Variants in NOTCH1 observed in about 807,000 individuals in gnomAD.
NOTCH1 encodes the protein neurogenic locus notch homolog protein 1.
A neutral mutation model predicts 254.8 loss-of-function variants in NOTCH1; 37 were observed. The observed-to-expected ratio is 0.15, with a 90% CI of 0.11 to 0.19. The LOEUF (loss-of-function observed/expected upper bound fraction) is 0.19. NOTCH1 is among the 10% of genes least tolerant of loss of function. The pLI is 1.00. For synonymous variants in NOTCH1, 1,731 were observed against 1,618.1 expected, an observed-to-expected ratio of 1.07 and a Z score of -1.68; for missense variants, 2,972 against 3,708.6, an observed-to-expected ratio of 0.80 and a Z score of 5.16.
At chr9:136,518,095 C>T (rs1175239362) in intron 7 of NOTCH1, 42 bp downstream of exon 7, 1 of 1,561,570 alleles carries the variant, frequency 6.4e-7, no homozygotes, top group Non-Finnish European at 8.6e-7. Context: ...TGGGGCCAGG[C>T]TGCCACCCCC....
At chr9:136,510,285 C>A (rs1278905782) in intron 17 of NOTCH1, among the ~76,000 whole-genome samples, 1 of 152,214 alleles carries the variant, frequency 6.6e-6, no homozygotes, top group African/African-American at 2.4e-5. Context: ...AGCAAGACCC[C>A]CGGCTTCTGC....
At chr9:136,502,726 C>T in intron 27 of NOTCH1, 1 of 575,482 alleles carries the variant, frequency 1.7e-6, no homozygotes, top group South Asian at 2.1e-5. Context: ...CTTTTTTCTC[C>T]TTTAAGGAAG....
At chr9:136,514,452 C>CA in intron 13 of NOTCH1, 58 bp downstream of exon 13, 1 of 1,499,948 alleles carries the variant, frequency 6.7e-7, no homozygotes. Flanking sequence ...ACCCTCCTGG[C>CA]AGCAGAGCTC....
rs2133338815 is a variant in NOTCH1, at chr9:136,505,386, G to T, written c.4510C>A (p.His1504Asn). Residue 1504 changes from histidine (H) to asparagine (N), a missense_variant, in exon 25 of 34, where the codon CAC becomes AAC. Transcript: ENST00000651671. The part of the protein sequence containing the change: ...LQCWKYFSDG[H>N]CDSQCNSAGC... ...GCTGAGTTGCACTGGCTGTCACAGT[G>T]GCCGTCACTGAAGTACTTCCAGCAC... is the stretch of plus-strand genomic sequence containing the variant. 1 of 1,611,380 alleles carries T rather than the reference G, an allele frequency of 6.2e-7. No homozygotes were observed. Among genetic ancestry groups the T allele is most frequent in the Non-Finnish European group, 8.5e-7 (1 of 1,179,532 alleles).
In NOTCH1 at chr9:136,518,596, C is replaced by T. The variant is rs775991013; in HGVS notation, c.1094G>A (p.Arg365His). Residue 365 changes from arginine to histidine, a missense_variant, in exon 6 of 34, where the codon CGC becomes CAC. Arg to His is a conservative substitution (Grantham distance 29, BLOSUM62 0). Transcript: ENST00000651671. ...ASFYCECPHGRTGLLCHLNDA... is the reference protein window; with the variant it reads ...ASFYCECPHGHTGLLCHLNDA... ...CTGGGCCTCAAGGCACTCACCTGTG[C>T]GGCCATGGGGACACTCGCAGTAGAA... is the stretch of plus-strand genomic sequence containing the variant. The T allele has an allele frequency of 1.6e-5, 26 of 1,611,678 alleles. No individual in the cohort carries two copies. The highest frequency in any genetic ancestry group is 4.5e-5 in the East Asian group (2 of 44,846).
chr9:136,527,979 CCAGAAAG>C (rs2133385080), intron 2 of NOTCH1, among the ~76,000 whole-genome samples: 1 of 152,284 alleles, frequency 6.6e-6, no homozygotes, highest in Admixed American at 6.5e-5. Context: ...AAATGCGACT[CCAGAAAG>C]CAGCAGGAGG....
At chr9:136,501,939 T>C (rs775128930) in intron 29 of NOTCH1, 26 bp from the exon 30 acceptor site, 71 of 1,611,420 alleles carry the variant, frequency 4.4e-5, no homozygotes, top group Non-Finnish European at 5.9e-5. Flanking sequence ...GAGCAGAGCC[T>C]GTCAGGGCAG....
chr9:136,520,212 G>A (rs1234930305), intron 4 of NOTCH1, among the ~76,000 whole-genome samples: 1 of 152,156 alleles, frequency 6.6e-6, no homozygotes, highest in Admixed American at 6.5e-5. Flanking sequence ...ACCCAGAAAG[G>A]CGCGTTCGGC....
chr9:136,511,776 C>T (rs1168118594), intron 15 of NOTCH1, among the ~76,000 whole-genome samples: 1 of 152,232 alleles, frequency 6.6e-6, no homozygotes, highest in Admixed American at 6.5e-5. Flanking sequence ...ACAAGGGCTG[C>T]GATGGAGGGG....
intron 12 of NOTCH1, 55 bp from the exon 13 acceptor site, chr9:136,514,757 C>T (rs1170885600): frequency 1.0e-5 from 16 of 1,543,674 alleles, no homozygotes; most frequent in Middle Eastern, 1.7e-4. Flanking sequence ...GTCCCACCCA[C>T]GTCAACCTCG....
rs376726823 is a variant in NOTCH1, at chr9:136,515,517, G to A, written c.1869C>T (p.Asn623=). The A allele has an allele frequency of 1.0e-4, 161 of 1,611,868 alleles. 2 individuals are homozygous for A. The highest frequency in any genetic ancestry group is 9.8e-4 in the South Asian group (89 of 91,070). Residue 623 remains asparagine (N), a synonymous_variant, in exon 11 of 34, where the codon AAC becomes AAT. Coordinates refer to ENST00000651671, the MANE Select transcript of NOTCH1 (RefSeq NM_017617.5). ...RHGGTCQDRD[N]AYLCFCLKGT... ...CCTTCAGGCAGAAGCAGAGGTAGGCGTTGTCGCGGTCCTGGCAGGTGCCCC... is the reference window on the plus strand; with the variant it reads ...CCTTCAGGCAGAAGCAGAGGTAGGCATTGTCGCGGTCCTGGCAGGTGCCCC...
chr9:136,533,353 CAT>C (rs920606270), intron 2 of NOTCH1, among the ~76,000 whole-genome samples: 4 of 152,244 alleles, frequency 2.6e-5, no homozygotes, highest in Non-Finnish European at 4.4e-5. Flanking sequence ...GGAAACCACA[CAT>C]GTTCAACCCC....
At position 136,545,981 on chromosome 9, in the gene NOTCH1, C is replaced by A. The variant is rs1223397204; in HGVS notation, c.-195G>T. Among the ~76,000 whole-genome samples, 2 of 146,566 alleles carry A rather than the reference C, an allele frequency of 1.4e-5. No individual in the cohort carries two copies. The highest frequency in any genetic ancestry group is 3.0e-5 in the Non-Finnish European group (2 of 66,374). ...CCGCGCCCGGCTCGTTCCTTCGCTGCGCTCGCGCCCGCGCCCGCGCCCCGC... is the reference window on the plus strand; with the variant it reads ...CCGCGCCCGGCTCGTTCCTTCGCTGAGCTCGCGCCCGCGCCCGCGCCCCGC... On this transcript the variant is annotated 5_prime_UTR_variant, in exon 1 of 34. Transcript: ENST00000651671. The surrounding 1 kb of genome is among the most constrained non-coding windows in gnomAD (Gnocchi z 6.8).
intron 2 of NOTCH1, among the ~76,000 whole-genome samples, chr9:136,531,121 A>G (rs13290840): frequency 0.47 from 72,205 of 152,106 alleles, 18,639 homozygotes; most frequent in African/African-American, 0.69. Flanking sequence ...GCAGGGAGGG[A>G]AGGGATCCCG....
In NOTCH1 at chr9:136,523,890, A is replaced by C. The variant is rs760700593; in HGVS notation, c.230T>G (p.Val77Gly). ...ATAGTCTGCCACGCCTCTGCGGTCC[A>C]CCACGTGGCATGTCCCGGCGTTCTT... ...PCKNAGTCHV[V>G]DRRGVADYAC... Residue 77 changes from valine to glycine, a missense_variant, in exon 3 of 34, where the codon GTG (valine) becomes GGG (glycine). Physicochemically the swap from Val to Gly is moderately radical, Grantham distance 109. This residue lies in a region of NOTCH1 where 374 missense variants were observed against 496.3 expected (regional missense o/e 0.75). Coordinates refer to ENST00000651671, the MANE Select transcript of NOTCH1 (RefSeq NM_017617.5). The C allele has an allele frequency of 8.1e-6, 13 of 1,609,094 alleles. No individual in the cohort carries two copies. The highest frequency in any genetic ancestry group is 1.3e-5 in the African/African-American group (1 of 74,886).
intron 17 of NOTCH1, 43 bp from the exon 18 acceptor site, chr9:136,510,004 C>T (rs2133351665): frequency 6.4e-7 from 1 of 1,569,146 alleles, no homozygotes; most frequent in Non-Finnish European, 8.7e-7. Context: ...CAGGCACAAA[C>T]CCACACCTGC....
intron 21 of NOTCH1, 34 bp downstream of exon 21, chr9:136,507,921 C>CG (rs1564192784): frequency 1.2e-6 from 2 of 1,607,022 alleles, no homozygotes; most frequent in South Asian, 2.2e-5. Flanking sequence ...ACACTCGTGC[C>CG]GGCCACAACC....
Position 136,540,523 on chromosome 9 carries a change from G to C in NOTCH1, c.140+3501C>G, listed in dbSNP as rs1843717938. 6.6e-6 allele frequency among the ~76,000 whole-genome samples: 1 copy of C among 152,200 alleles called. No homozygotes were observed. The highest frequency in any genetic ancestry group is 2.1e-4 in the South Asian group (1 of 4,824). ...CTGGAAACCAGCACTGTCAGCCAAC[G>C]GGGAGAAGGCGGGGAAGAAAGGAGC... On this transcript the variant is annotated intron_variant, in intron 2 of 33. Coordinates refer to ENST00000651671, the MANE Select transcript of NOTCH1 (RefSeq NM_017617.5). This position sits in a 1 kb window ranked among gnomAD's most constrained non-coding sequence, Gnocchi z 4.4.
chr9:136,527,431 C>T (rs980401240), intron 2 of NOTCH1, among the ~76,000 whole-genome samples: 1 of 152,140 alleles, frequency 6.6e-6, no homozygotes, highest in African/African-American at 2.4e-5. Flanking sequence ...CAGGGCTTGG[C>T]CGAGTGAGGT....
Sources: gnomAD v4.1 joint callset for allele counts (sites outside exome capture counted in the v4.1 genomes callset) on GRCh38, gnomAD v4.1.1 for gene constraint, gnomAD v4.1.1 regional missense constraint, Gnocchi (gnomAD v3.1) non-coding constraint, MANE v1.5 for transcripts, NCBI Gene and HGNC (gene_info 2026-07-23, HGNC 2026-07-21) for gene names.